The following PARD3B variants were observed in gnomAD, a reference collection of about 807,000 sequenced individuals.
The protein encoded by PARD3B is par-3 family cell polarity regulator beta, also known as partitioning defective 3 homolog B.
PARD3B carries 103 observed loss-of-function variants against 130.2 expected under a neutral mutation model. The observed-to-expected ratio is 0.79, with a 90% CI of 0.67 to 0.93. PARD3B has a LOEUF of 0.93. Ranked by LOEUF, PARD3B falls within the 40% of genes least tolerant of loss-of-function variation. The pLI is 0.00. For synonymous variants in PARD3B, 583 were observed against 553.2 expected (o/e 1.05, Z -0.76); for missense variants, 1,609 against 1,499.2 (o/e 1.07, Z -1.21).
chr2:205,594,351 T>C (rs2054494328), intron 22 of PARD3B, among the ~76,000 whole-genome samples: 7 of 152,162 alleles, frequency 4.6e-5, no homozygotes, highest in Admixed American at 3.9e-4. Context: ...GGTAAGGTGA[T>C]GGAAATTTTA....
chr2:204,891,557 T>C (rs1441217574), intron 2 of PARD3B, among the ~76,000 whole-genome samples: 1 of 152,206 alleles, frequency 6.6e-6, no homozygotes, highest in Non-Finnish European at 1.5e-5. Flanking sequence ...GTGTTCAAAA[T>C]AATGCAAATA....
chr2:205,500,558 G>A lies in PARD3B; in HGVS notation c.3180+527G>A, dbSNP rs138568127. Among the ~76,000 whole-genome samples the A allele has an allele frequency of 3.3e-3, 497 of 152,148 alleles. 10 individuals are homozygous for A. The highest frequency in any genetic ancestry group is 6.8e-3 in the Middle Eastern group (2 of 292). ...TTTGCTCAATCCTTTGACATTCAGG[G>A]AACAGAAAAGAATACAGTGACCACT... On this transcript the variant is annotated intron_variant, in intron 21 of 22. Coordinates refer to ENST00000406610, the MANE Select transcript of PARD3B (RefSeq NM_001302769.2).
intron 20 of PARD3B, among the ~76,000 whole-genome samples, chr2:205,454,807 A>T (rs1229527362): frequency 1.3e-5 from 2 of 152,136 alleles, no homozygotes; most frequent in Non-Finnish European, 2.9e-5. Flanking sequence ...CCAAGCCCCA[A>T]AAATGCCAGT....
rs113550100 is a variant in PARD3B, at chr2:204,977,500, G to A, written c.394+12177G>A. ...GTATTTCAGAAAATGAGACACCCAT[G>A]TTCTGAAAAGAATAGGGAGCCTTGG... On this transcript the variant is annotated intron_variant, in intron 3 of 22. Coordinates refer to ENST00000406610, the MANE Select transcript of PARD3B (RefSeq NM_001302769.2). Among the ~76,000 whole-genome samples the A allele has an allele frequency of 1.8e-3, 268 of 152,254 alleles. 3 individuals carry two copies. The highest frequency in any genetic ancestry group is 6.1e-3 in the African/African-American group (254 of 41,554).
intron 2 of PARD3B, among the ~76,000 whole-genome samples, chr2:204,746,761 T>G (rs1200171565): frequency 6.6e-6 from 1 of 152,238 alleles, no homozygotes; most frequent in African/African-American, 2.4e-5. Context: ...ATGTGTCTGT[T>G]GGCTGCATAA....
intron 18 of PARD3B, among the ~76,000 whole-genome samples, chr2:205,387,294 C>G (rs1232398573): frequency 2.0e-5 from 3 of 152,094 alleles, no homozygotes; most frequent in African/African-American, 7.2e-5. Flanking sequence ...TTAATATGGC[C>G]TTTGTAGAAC....
intron 2 of PARD3B, among the ~76,000 whole-genome samples, chr2:204,850,680 A>G (rs778024610): frequency 3.3e-5 from 5 of 152,060 alleles, no homozygotes; most frequent in Non-Finnish European, 7.4e-5. Context: ...CCTGACTCCT[A>G]CTGGATGGCA....
chr2:205,156,277 G>C (rs1267100337), intron 10 of PARD3B, among the ~76,000 whole-genome samples: 1 of 134,574 alleles, frequency 7.4e-6, no homozygotes, highest in Non-Finnish European at 1.6e-5. Flanking sequence ...TGGGCGGGGG[G>C]GGGAGGAATA....
intron 22 of PARD3B, among the ~76,000 whole-genome samples, chr2:205,582,391 A>G (rs1035628799): frequency 3.9e-5 from 6 of 152,332 alleles, no homozygotes; most frequent in African/African-American, 1.4e-4. Flanking sequence ...AATGCTGGTA[A>G]TTAAAGCAGA....
chr2:205,401,573 ACT>A (rs755313714), intron 19 of PARD3B, among the ~76,000 whole-genome samples: 8 of 152,132 alleles, frequency 5.3e-5, no homozygotes, highest in Non-Finnish European at 1.0e-4. Context: ...TTAAAAAGAC[ACT>A]GTCTTTTATT....
intron 18 of PARD3B, among the ~76,000 whole-genome samples, chr2:205,393,875 G>A (rs16837294): frequency 0.036 from 5,535 of 152,020 alleles, 310 homozygotes; most frequent in African/African-American, 0.12. Context: ...GAGTCTAGGA[G>A]GAATTTGAAT....
intron 4 of PARD3B, among the ~76,000 whole-genome samples, chr2:205,080,872 T>A (rs917321813): frequency 6.6e-6 from 1 of 152,152 alleles, no homozygotes; most frequent in African/African-American, 2.4e-5. Context: ...TCCTTGAGGA[T>A]TAAGGAGGTT....
intron 2 of PARD3B, among the ~76,000 whole-genome samples, chr2:204,861,323 T>C (rs2045194488): frequency 6.6e-6 from 1 of 152,126 alleles, no homozygotes; most frequent in African/African-American, 2.4e-5. Flanking sequence ...TAACTTGGTT[T>C]TTCTAAAATA....
chr2:204,976,100 G>A (rs980622085), intron 3 of PARD3B, among the ~76,000 whole-genome samples: 15 of 152,152 alleles, frequency 9.9e-5, no homozygotes, highest in South Asian at 2.1e-4. Flanking sequence ...TCTCTAATTC[G>A]TCTCTTGTTA....
intron 1 of PARD3B, among the ~76,000 whole-genome samples, chr2:204,645,430 G>A (rs1437203747): frequency 6.6e-6 from 1 of 152,054 alleles, no homozygotes; most frequent in East Asian, 1.9e-4. Flanking sequence ...ATTTTCATAA[G>A]CAGTTCATTA....
intron 2 of PARD3B, among the ~76,000 whole-genome samples, chr2:204,807,548 G>A (rs1023664111): frequency 3.3e-5 from 5 of 152,126 alleles, no homozygotes; most frequent in Admixed American, 1.3e-4. Flanking sequence ...GCACTCTCAT[G>A]TTTATTGCAG....
chr2:205,410,523 T>G (rs2046561222), intron 19 of PARD3B, among the ~76,000 whole-genome samples: 1 of 152,154 alleles, frequency 6.6e-6, no homozygotes, highest in South Asian at 2.1e-4. Context: ...AGGCCCCAGT[T>G]TCCTACATTT....
intron 2 of PARD3B, among the ~76,000 whole-genome samples, chr2:204,958,054 A>G (rs1427890214): frequency 1.3e-5 from 2 of 152,200 alleles, no homozygotes; most frequent in Admixed American, 6.5e-5. Flanking sequence ...TAAGTAGTAC[A>G]TTAGTTCACT....
At chr2:204,810,954 G>A (rs1345943525) in intron 2 of PARD3B, among the ~76,000 whole-genome samples, 2 of 151,946 alleles carry the variant, frequency 1.3e-5, no homozygotes, top group African/African-American at 4.8e-5. Context: ...TGTTGTTGTT[G>A]TTGGTAGGAT....
Sources: gnomAD v4.1 joint callset for allele counts (sites outside exome capture counted in the v4.1 genomes callset) on GRCh38, gnomAD v4.1.1 for gene constraint, MANE v1.5 for transcripts, NCBI Gene and HGNC (gene_info 2026-07-23, HGNC 2026-07-21) for gene names.